NIN: variants seen among roughly 807,000 people sequenced by gnomAD.
NIN encodes ninein.
NIN carries 137 observed loss-of-function variants against 257.6 expected under a neutral mutation model. That is an observed-to-expected ratio of 0.53 (90% CI 0.46 to 0.61). The LOEUF is 0.61. Ranked by LOEUF, NIN falls within the 20% of genes least tolerant of loss-of-function variation. The probability of loss-of-function intolerance (pLI) is 0.00; values close to 1 mark genes in which losing one functional copy is unlikely to be tolerated. For synonymous variants in NIN, 918 were observed against 919.8 expected (o/e 1.00, Z 0.04); for missense variants, 2,439 against 2,501.2 (o/e 0.98, Z 0.53).
At chr14:50,747,018 T>C (rs1229165109) in intron 22 of NIN, among the ~76,000 whole-genome samples, 2 of 152,148 alleles carry the variant, frequency 1.3e-5, no homozygotes, top group African/African-American at 4.8e-5. Context: ...CACACCACTA[T>C]GCCCAGCTAA....
intron 3 of NIN, among the ~76,000 whole-genome samples, chr14:50,807,286 G>A (rs1244038397): frequency 6.6e-6 from 1 of 152,124 alleles, no homozygotes; most frequent in Non-Finnish European, 1.5e-5. Context: ...CTTCCTTGAG[G>A]GAAGGTATAT....
rs779306865 is a variant in NIN, at chr14:50,744,353, G to A, written c.5077C>T (p.Pro1693Ser). 3.7e-6 allele frequency: 6 copies of A among 1,613,920 alleles called. No individual in the cohort carries two copies. The South Asian group carries it at 6.6e-5, about 18-fold the overall frequency. The change falls in exon 23 of 31, where the codon CCC becomes TCC. Residue 1693 changes from proline (P) to serine (S), a missense_variant. By Grantham distance (74) the Pro-to-Ser change is moderately conservative. Transcript: ENST00000530997. ...TTTTGCTGGAAGTCAGAGAGATCGG[G>A]ACATCTGTGCAGCTGTAAGAGATAA... The part of the protein sequence containing the change: ...LEKMKQLHRC[P>S]DLSDFQQKIS...
intron 2 of NIN, among the ~76,000 whole-genome samples, chr14:50,826,968 T>A (rs986025926): frequency 6.6e-6 from 1 of 152,182 alleles, no homozygotes; most frequent in Non-Finnish European, 1.5e-5. Flanking sequence ...CAGTGACTCA[T>A]TTACTTACTC....
intron 30 of NIN, among the ~76,000 whole-genome samples, chr14:50,724,501 A>G (rs149933668): frequency 6.6e-6 from 1 of 152,284 alleles, no homozygotes; most frequent in East Asian, 1.9e-4. Context: ...ACATTTCAGA[A>G]CATATTTTCT....
At chr14:50,784,965 A>C (rs60771195) in intron 5 of NIN, among the ~76,000 whole-genome samples, 2,884 of 152,292 alleles carry the variant, frequency 0.019, 103 homozygotes, top group African/African-American at 0.066. Flanking sequence ...AGAGGGGAGA[A>C]GGTCAGAGGT....
intron 5 of NIN, among the ~76,000 whole-genome samples, chr14:50,784,959 G>A (rs1245643608): frequency 6.6e-6 from 1 of 152,182 alleles, no homozygotes; most frequent in Non-Finnish European, 1.5e-5. Flanking sequence ...GTAGGCAGAG[G>A]GGAGAAGGTC....
At position 50,813,032 on chromosome 14, in the gene NIN, A is replaced by C. The variant is rs895331491; in HGVS notation, c.184-6214T>G. On this transcript the variant is annotated intron_variant, in intron 3 of 30. Transcript: ENST00000530997. ...GCAGTAAATGCCTCATCTTTCAAAG[A>C]GATAGTTCTCTTGTGGAGGAGGCGA... Among the ~76,000 whole-genome samples the C allele has an allele frequency of 2.6e-5, 4 of 152,276 alleles. 1 individual carries two copies. Among genetic ancestry groups the C allele is most frequent in the Middle Eastern group, 3.4e-3 (1 of 294 alleles).
In NIN at chr14:50,743,492, G is replaced by A. The variant is rs560527827; in HGVS notation, c.5225C>T (p.Thr1742Met). The A allele has an allele frequency of 5.0e-6, 8 of 1,613,580 alleles. No homozygotes were observed. Among genetic ancestry groups the A allele is most frequent in the Admixed American group, 3.3e-5 (2 of 60,004 alleles). Residue 1742 changes from threonine (T) to methionine (M), a missense_variant, in exon 24 of 31, where the codon ACG becomes ATG. Coordinates refer to ENST00000530997, the MANE Select transcript of NIN (RefSeq NM_020921.4). ...KSSLLEHRIA[T>M]MKQEQKSWEH... is the part of the protein sequence containing the mutation. ...CCAGGATTTCTGTTCCTGCTTCATC[G>A]TCGCAATTCTATGCTCTAAAAGACT...
intron 4 of NIN, among the ~76,000 whole-genome samples, chr14:50,799,740 G>A (rs1002776942): frequency 3.3e-5 from 5 of 152,210 alleles, no homozygotes; most frequent in African/African-American, 1.2e-4. Context: ...CCAGCACTTT[G>A]CGAGGCTGAG....
chr14:50,772,622 A>G (rs1257319724), intron 8 of NIN, among the ~76,000 whole-genome samples, 154 bp from the exon 9 acceptor site: 1 of 152,178 alleles, frequency 6.6e-6, no homozygotes, highest in East Asian at 1.9e-4. Context: ...TCTGTTCCCA[A>G]CTGAGTCAAG....
At position 50,758,042 on chromosome 14, in the gene NIN, C is replaced by T. The variant is rs80291668; in HGVS notation, c.2988G>A (p.Ala996=). The part of the protein sequence containing the change: ...KLLAMENIHK[A]TCETADRERA... The stretch of plus-strand genomic sequence containing the variant: ...TTTCTCGATCTGCTGTCTCACAGGT[C>T]GCTTTGTGAATGTTCTCCATGGCTA... Residue 996 remains alanine, a synonymous_variant, in exon 18 of 31, where the codon GCG becomes GCA. Coordinates refer to ENST00000530997, the MANE Select transcript of NIN (RefSeq NM_020921.4). 1,799 of 1,614,222 alleles carry T rather than the reference C, an allele frequency of 1.1e-3. 15 individuals are homozygous for T. The African/African-American group carries it at 0.021, about 19-fold the overall frequency.
intron 4 of NIN, among the ~76,000 whole-genome samples, chr14:50,799,312 G>A (rs1393668944): frequency 6.6e-6 from 1 of 152,180 alleles, no homozygotes. Context: ...GCTCTGCCCA[G>A]GGAGCTCCAG....
chr14:50,731,528 C>CAAAA (rs34408175), intron 28 of NIN, among the ~76,000 whole-genome samples: 6 of 96,124 alleles, frequency 6.2e-5, no homozygotes, highest in African/African-American at 2.1e-4. Flanking sequence ...GACTCCATCT[C>CAAAA]AAAAAAAAAA....
intron 4 of NIN, among the ~76,000 whole-genome samples, chr14:50,800,373 C>G (rs2044044974): frequency 6.6e-6 from 1 of 152,078 alleles, no homozygotes; most frequent in Non-Finnish European, 1.5e-5. Context: ...GTTGAACAAC[C>G]CAAATCTCAA....
chr14:50,770,251 TG>T, intron 12 of NIN, 136 bp downstream of exon 12: 1 of 799,698 alleles, frequency 1.3e-6, no homozygotes, highest in Non-Finnish European at 2.0e-6. Flanking sequence ...CTGCCAAGTC[TG>T]GGTGAAGACC....
In NIN at chr14:50,766,182, T is replaced by C. The variant is rs1362391357; in HGVS notation, c.1635+125A>G. 24 of 695,734 alleles carry C rather than the reference T, an allele frequency of 3.4e-5. No individual in the cohort carries two copies. In the Admixed American group the frequency reaches 6.1e-4, roughly 18 times the overall value. The allele number at this position is 695,734 out of a possible 1,614,324, so 43.1% of individuals were successfully genotyped here. ...GGGTACTTTTATTTTTACCATTTTA[T>C]GCATGAGGAATGGAAGTACCCACAG... On this transcript the variant is annotated intron_variant, in intron 14 of 30. Coordinates refer to ENST00000530997, the MANE Select transcript of NIN (RefSeq NM_020921.4).
intron 24 of NIN, among the ~76,000 whole-genome samples, chr14:50,742,673 C>T (rs1338433948): frequency 2.0e-5 from 3 of 152,062 alleles, no homozygotes; most frequent in African/African-American, 4.8e-5. Flanking sequence ...GGATTACAGG[C>T]GTGAGTCACC....
chr14:50,738,184 C>A lies in NIN; in HGVS notation c.5731G>T (p.Glu1911Ter). The A allele has an allele frequency of 6.2e-7, 1 of 1,614,126 alleles. No individual in the cohort carries two copies. Among genetic ancestry groups the A allele is most frequent in the South Asian group, 1.1e-5 (1 of 91,076 alleles). Residue 1911 changes from glutamate to a stop codon, truncating the protein, a stop_gained, in exon 27 of 31, where the codon GAG (glutamate) becomes TAG (stop). Coordinates refer to ENST00000530997, the MANE Select transcript of NIN (RefSeq NM_020921.4). LOFTEE classifies it high-confidence loss of function. ...TEQEKLSLKR[E>*]CDQFQKEQSP... ...TGTTCTTTCTGAAACTGATCACACTCTCTCTTTAAGCTCAATTTTTCTTGC... is the reference window on the plus strand; with the variant it reads ...TGTTCTTTCTGAAACTGATCACACTATCTCTTTAAGCTCAATTTTTCTTGC...
At chr14:50,830,228 C>T (rs1302501461) in intron 2 of NIN, among the ~76,000 whole-genome samples, 4 of 152,224 alleles carry the variant, frequency 2.6e-5, no homozygotes, top group African/African-American at 9.7e-5. Context: ...AGCACAGAAG[C>T]GGCTTTCAGC....
Sources: gnomAD v4.1 joint callset for allele counts (sites outside exome capture counted in the v4.1 genomes callset) on GRCh38, gnomAD v4.1.1 for gene constraint, MANE v1.5 for transcripts, NCBI Gene and HGNC (gene_info 2026-07-23, HGNC 2026-07-21) for gene names.